PELI2: variants seen among roughly 807,000 people sequenced by gnomAD.
PELI2 encodes the protein E3 ubiquitin-protein ligase pellino homolog 2.
Under a neutral mutation model 42.3 loss-of-function variants are expected in PELI2, and 23 were observed. That is an observed-to-expected ratio of 0.54 (90% CI 0.39 to 0.77). The LOEUF is 0.77. PELI2 is among the 30% of genes least tolerant of loss of function. The pLI is 0.00. For missense variants in PELI2, 463 were observed against 553.2 expected, an observed-to-expected ratio of 0.84 and a Z score of 1.64; for synonymous variants, 245 against 212.2, an observed-to-expected ratio of 1.15 and a Z score of -1.34.
chr14:56,287,409 C>T (rs190796915), intron 3 of PELI2, among the ~76,000 whole-genome samples: 2 of 152,112 alleles, frequency 1.3e-5, no homozygotes, highest in South Asian at 2.1e-4. Context: ...GTAGAGTTTC[C>T]AAGTTACCCA....
At chr14:56,133,539 G>T (rs1016543101) in intron 1 of PELI2, among the ~76,000 whole-genome samples, 31 of 152,216 alleles carry the variant, frequency 2.0e-4, no homozygotes, top group African/African-American at 7.0e-4. Context: ...CACATGTCCT[G>T]CCCAGGCAAG....
At chr14:56,208,514 A>G (rs1886597075) in intron 2 of PELI2, among the ~76,000 whole-genome samples, 2 of 152,382 alleles carry the variant, frequency 1.3e-5, no homozygotes, top group Non-Finnish European at 2.9e-5. Flanking sequence ...ATGCAAAAGC[A>G]GTGGTGGGTA....
At chr14:56,131,436 T>C (rs1193294897) in intron 1 of PELI2, among the ~76,000 whole-genome samples, 1 of 152,168 alleles carries the variant, frequency 6.6e-6, no homozygotes, top group African/African-American at 2.4e-5. Context: ...TATCAGTTGG[T>C]AAAATACCAA....
intron 1 of PELI2, among the ~76,000 whole-genome samples, chr14:56,168,873 C>T (rs1308459595): frequency 6.6e-6 from 1 of 152,042 alleles, no homozygotes; most frequent in African/African-American, 2.4e-5. Flanking sequence ...GGTTCAAGGG[C>T]TCTTCAGTTA....
chr14:56,164,654 A>C (rs1884886175), intron 1 of PELI2, among the ~76,000 whole-genome samples: 1 of 152,124 alleles, frequency 6.6e-6, no homozygotes, highest in Non-Finnish European at 1.5e-5. Flanking sequence ...TTCAGCAGTG[A>C]AGTCACCAGG....
At chr14:56,244,405 G>C (rs759563313) in intron 2 of PELI2, among the ~76,000 whole-genome samples, 1 of 152,198 alleles carries the variant, frequency 6.6e-6, no homozygotes, top group Non-Finnish European at 1.5e-5. Context: ...ATATGAATCA[G>C]TCCTTAGAAT....
Position 56,296,927 on chromosome 14 carries a change from G to A in PELI2, c.1024G>A (p.Gly342Ser), listed in dbSNP as rs1332408837. 1 of 1,613,990 alleles carries A rather than the reference G, an allele frequency of 6.2e-7. No individual in the cohort carries two copies. Among genetic ancestry groups the A allele is most frequent in the Non-Finnish European group, 8.5e-7 (1 of 1,180,012 alleles). Reference sequence around the variant, plus strand: ...GGAGTGTCCCATGTGCAGGACTGTGGGCCCCTATGTGCCTCTCTGGCTTGG... The same window carrying A: ...GGAGTGTCCCATGTGCAGGACTGTGAGCCCCTATGTGCCTCTCTGGCTTGG... ...ERECPMCRTV[G>S]PYVPLWLGCE... Residue 342 changes from glycine to serine, a missense_variant, in exon 6 of 6, where the codon GGC (glycine) becomes AGC (serine). By Grantham distance (56) the Gly-to-Ser change is moderately conservative. Coordinates refer to ENST00000267460, the MANE Select transcript of PELI2 (RefSeq NM_021255.3).
chr14:56,185,786 T>G (rs1885750244), intron 2 of PELI2, among the ~76,000 whole-genome samples: 1 of 152,206 alleles, frequency 6.6e-6, no homozygotes, highest in Non-Finnish European at 1.5e-5. Flanking sequence ...TAATTTTGTG[T>G]GTATGTATTG....
At chr14:56,252,527 G>A (rs1286041768) in intron 2 of PELI2, among the ~76,000 whole-genome samples, 1 of 152,166 alleles carries the variant, frequency 6.6e-6, no homozygotes, top group Non-Finnish European at 1.5e-5. Flanking sequence ...CCTGTGGTTT[G>A]TTGCCTTGAG....
At position 56,299,334 on chromosome 14, in the gene PELI2, G is replaced by A. The variant is rs185321946; in HGVS notation, c.*2168G>A. 7.2e-5 allele frequency: 11 copies of A among 152,294 alleles called. No homozygotes were observed. The highest frequency in any genetic ancestry group is 2.6e-4 in the African/African-American group (11 of 41,552). 9.4% of individuals were successfully genotyped at this position (152,294 alleles called of 1,614,324 possible). ...TGAAGTTACCTTCCAAGTTGGACAC[G>A]TCCCGTAGTTGGGCATATGTCTAAC... On this transcript the variant is annotated 3_prime_UTR_variant, in exon 6 of 6. Transcript: ENST00000267460.
At chr14:56,212,653 C>T (rs1217443735) in intron 2 of PELI2, among the ~76,000 whole-genome samples, 1 of 152,226 alleles carries the variant, frequency 6.6e-6, no homozygotes, top group African/African-American at 2.4e-5. Context: ...CACAGTCCTG[C>T]CTGTGGCAGC....
At chr14:56,203,357 A>T (rs1886403773) in intron 2 of PELI2, among the ~76,000 whole-genome samples, 1 of 152,182 alleles carries the variant, frequency 6.6e-6, no homozygotes, top group South Asian at 2.1e-4. Flanking sequence ...GGGGTGAAGT[A>T]TCGTAATGTC....
chr14:56,217,382 A>G (rs542653302), intron 2 of PELI2, among the ~76,000 whole-genome samples: 1 of 152,342 alleles, frequency 6.6e-6, no homozygotes, highest in African/African-American at 2.4e-5. Context: ...TGTCTAACCC[A>G]CCATCATCAG....
intron 2 of PELI2, among the ~76,000 whole-genome samples, chr14:56,182,493 T>C (rs761917084): frequency 6.6e-6 from 1 of 152,228 alleles, no homozygotes; most frequent in Non-Finnish European, 1.5e-5. Flanking sequence ...TTTAGCAACA[T>C]TACTATGGAA....
At chr14:56,156,129 A>G (rs1286016751) in intron 1 of PELI2, among the ~76,000 whole-genome samples, 1 of 152,220 alleles carries the variant, frequency 6.6e-6, no homozygotes, top group African/African-American at 2.4e-5. Context: ...TCTTAAAAAC[A>G]GTAATCTGGA....
chr14:56,134,042 A>G (rs1418490092), intron 1 of PELI2, among the ~76,000 whole-genome samples: 4 of 152,230 alleles, frequency 2.6e-5, no homozygotes, highest in African/African-American at 9.6e-5. Flanking sequence ...TAGTTTATTT[A>G]TATTTCTTTA....
chr14:56,160,817 TACTA>T (rs1303492352), intron 1 of PELI2, among the ~76,000 whole-genome samples: 1 of 152,210 alleles, frequency 6.6e-6, no homozygotes, highest in Non-Finnish European at 1.5e-5. Context: ...GTAACTGTGT[TACTA>T]TCTGTGTAGC....
chr14:56,267,304 G>A (rs1888942528), intron 2 of PELI2, among the ~76,000 whole-genome samples: 1 of 152,222 alleles, frequency 6.6e-6, no homozygotes, highest in South Asian at 2.1e-4. Context: ...CATCATCTGA[G>A]TTTTTGCAGC....
chr14:56,230,938 A>G (rs1309884341), intron 2 of PELI2, among the ~76,000 whole-genome samples: 1 of 152,184 alleles, frequency 6.6e-6, no homozygotes, highest in Non-Finnish European at 1.5e-5. Flanking sequence ...AAAACAAAAC[A>G]AAAGGCAGGG....
Sources: gnomAD v4.1 joint callset for allele counts (sites outside exome capture counted in the v4.1 genomes callset) on GRCh38, gnomAD v4.1.1 for gene constraint, MANE v1.5 for transcripts, NCBI Gene and HGNC (gene_info 2026-07-23, HGNC 2026-07-21) for gene names.